The following LRRC69 variants were observed in gnomAD, a reference collection of about 807,000 sequenced individuals.
The protein encoded by LRRC69 is leucine-rich repeat-containing protein 69.
A neutral mutation model predicts 37.8 loss-of-function variants in LRRC69; 42 were observed. The observed-to-expected ratio is 1.11, with a 90% CI of 0.87 to 1.44. The LOEUF (loss-of-function observed/expected upper bound fraction) is 1.44. Ranked by LOEUF, LRRC69 falls within the 40% of genes most tolerant of loss-of-function variation. LRRC69 has a pLI of 0.00. For missense variants in LRRC69, 357 were observed against 401.9 expected (o/e 0.89, Z 0.96); for synonymous variants, 141 against 143.1 (o/e 0.99, Z 0.11).
chr8:91,175,815 GTT>G (rs11337903), intron 5 of LRRC69, among the ~76,000 whole-genome samples: 16 of 147,432 alleles, frequency 1.1e-4, no homozygotes, highest in East Asian at 2.0e-4. Flanking sequence ...CACCACCGGA[GTT>G]TTTTTTTTTT....
At chr8:91,216,257 A>G (rs1471953601) in intron 7 of LRRC69, among the ~76,000 whole-genome samples, 1 of 152,176 alleles carries the variant, frequency 6.6e-6, no homozygotes, top group Non-Finnish European at 1.5e-5. Context: ...AAAGAGGGAC[A>G]CAGACACTTT....
At chr8:91,161,632 T>C (rs988056528) in intron 5 of LRRC69, among the ~76,000 whole-genome samples, 1 of 151,392 alleles carries the variant, frequency 6.6e-6, no homozygotes, top group Admixed American at 6.6e-5. Context: ...GTGATATTAA[T>C]GTGTCTCCTT....
intron 5 of LRRC69, among the ~76,000 whole-genome samples, chr8:91,144,429 T>C (rs998666855): frequency 1.3e-5 from 2 of 152,004 alleles, no homozygotes; most frequent in African/African-American, 4.8e-5. Context: ...ACTATCTCCC[T>C]GAAGGGGGTC....
At chr8:91,139,519 C>T (rs986745861) in intron 5 of LRRC69, among the ~76,000 whole-genome samples, 5 of 90 alleles carry the variant, frequency 0.056, no homozygotes, top group African/African-American at 0.14. Context: ...AGGTGATCCG[C>T]CCACTTCGGC....
In LRRC69 at chr8:91,160,091, G is replaced by A. The variant is rs561778936; in HGVS notation, c.651+24352G>A. 2.0e-5 allele frequency among the ~76,000 whole-genome samples: 3 copies of A among 151,060 alleles called. No individual in the cohort carries two copies. In the South Asian group the frequency reaches 6.2e-4, roughly 31 times the overall value. ...GCAGTATTTTGTAGGTATCATTGTGGAAATCTTTCACCTTTTTGGATAAAT... is the reference window on the plus strand; with the variant it reads ...GCAGTATTTTGTAGGTATCATTGTGAAAATCTTTCACCTTTTTGGATAAAT... On this transcript the variant is annotated intron_variant, in intron 5 of 7. Transcript: ENST00000448384.
At chr8:91,204,709 T>C (rs1809770205) in intron 7 of LRRC69, among the ~76,000 whole-genome samples, 2 of 152,258 alleles carry the variant, frequency 1.3e-5, no homozygotes, top group South Asian at 4.1e-4. Context: ...AATGTATTCT[T>C]ACTAGCATTA....
At chr8:91,192,168 C>A (rs1809509191) in intron 6 of LRRC69, among the ~76,000 whole-genome samples, 1 of 152,106 alleles carries the variant, frequency 6.6e-6, no homozygotes, top group African/African-American at 2.4e-5. Flanking sequence ...CTACAAAGGA[C>A]ATGAACTCAT....
intron 1 of LRRC69, among the ~76,000 whole-genome samples, chr8:91,104,077 C>G (rs946090376): frequency 2.6e-5 from 4 of 151,920 alleles, no homozygotes; most frequent in Admixed American, 1.3e-4. Context: ...CATCATTTTT[C>G]TTCATCTTCT....
intron 5 of LRRC69, among the ~76,000 whole-genome samples, chr8:91,143,473 A>G (rs1586243045): frequency 6.6e-6 from 1 of 152,032 alleles, no homozygotes; most frequent in South Asian, 2.1e-4. Context: ...CAAATTCATG[A>G]TTTAACATTC....
chr8:91,179,295 G>T (rs900504946), intron 5 of LRRC69, among the ~76,000 whole-genome samples: 3 of 152,174 alleles, frequency 2.0e-5, no homozygotes, highest in African/African-American at 7.2e-5. Flanking sequence ...AGCAAAGGGG[G>T]AGCGGGTTGT....
chr8:91,159,438 A>G lies in LRRC69; in HGVS notation c.651+23699A>G, dbSNP rs1213048714. On this transcript the variant is annotated intron_variant, in intron 5 of 7. Coordinates refer to ENST00000448384, the Ensembl canonical transcript of LRRC69. ...GCCAAGCCTTAACTGCATTCAGAGG[A>G]TAATATCAATGAACTAAACTTGAAC... Among the ~76,000 whole-genome samples, 6 of 151,416 alleles carry G rather than the reference A, an allele frequency of 4.0e-5. No individual in the cohort carries two copies. In the East Asian group the frequency reaches 1.2e-3, roughly 29 times the overall value.
At chr8:91,213,923 G>A (rs1234379663) in intron 7 of LRRC69, among the ~76,000 whole-genome samples, 3 of 152,188 alleles carry the variant, frequency 2.0e-5, no homozygotes, top group Non-Finnish European at 4.4e-5. Context: ...CCATGAACCT[G>A]TCAAAGGATT....
At chr8:91,164,824 T>A (rs1809001068) in intron 5 of LRRC69, among the ~76,000 whole-genome samples, 1 of 151,690 alleles carries the variant, frequency 6.6e-6, no homozygotes, top group South Asian at 2.1e-4. Flanking sequence ...TACTCTTAAT[T>A]ACTAGTAGTG....
chr8:91,123,177 A>G (rs1158943526), intron 1 of LRRC69, among the ~76,000 whole-genome samples: 1 of 152,084 alleles, frequency 6.6e-6, no homozygotes. Context: ...GATTTTAGTC[A>G]GTGAGACTGT....
intron 5 of LRRC69, among the ~76,000 whole-genome samples, chr8:91,159,880 TC>T (rs1319144321): frequency 1.3e-5 from 2 of 151,100 alleles, no homozygotes; most frequent in Non-Finnish European, 3.0e-5. Context: ...CTTAGAGTGT[TC>T]TTGGGATGAA....
intron 5 of LRRC69, among the ~76,000 whole-genome samples, chr8:91,169,862 T>C (rs1809096352): frequency 7.5e-6 from 1 of 133,988 alleles, no homozygotes; most frequent in African/African-American, 2.9e-5. Flanking sequence ...CTCATCCTTT[T>C]TTATGGCTGC....
intron 1 of LRRC69, among the ~76,000 whole-genome samples, chr8:91,122,675 C>A (rs934671756): frequency 2.0e-5 from 3 of 151,990 alleles, no homozygotes; most frequent in African/African-American, 7.2e-5. Context: ...CACATTCTTG[C>A]GTATCTCGCC....
Position 91,113,238 on chromosome 8 carries a change from A to G in LRRC69, c.183+10394A>G, listed in dbSNP as rs371686530. On this transcript the variant is annotated intron_variant, in intron 1 of 7. Coordinates refer to ENST00000448384, the Ensembl canonical transcript of LRRC69. ...AATTTTAAAATGCATATGGAACTAC[A>G]AAGCAACCTGAATAGCCAAAACAAT... is the stretch of plus-strand genomic sequence containing the variant. Among the ~76,000 whole-genome samples the G allele has an allele frequency of 5.3e-5, 8 of 152,194 alleles. No individual in the cohort carries two copies. In the East Asian group the frequency reaches 7.7e-4, roughly 15 times the overall value.
chr8:91,176,360 T>G (rs535188895), intron 5 of LRRC69, among the ~76,000 whole-genome samples: 2 of 151,992 alleles, frequency 1.3e-5, no homozygotes, highest in East Asian at 3.9e-4. Context: ...TTGGCCAGGA[T>G]GTTCTCAATC....
Sources: allele counts gnomAD v4.1 joint callset (sites outside exome capture counted in the v4.1 genomes callset), GRCh38; gene constraint gnomAD v4.1.1; transcripts MANE v1.5; gene names NCBI Gene and HGNC (gene_info 2026-07-23, HGNC 2026-07-21).